KLF12: variants seen among roughly 807,000 people sequenced by gnomAD.
KLF12 encodes the protein KLF transcription factor 12.
KLF12 carries 9 observed loss-of-function variants against 37.8 expected under a neutral mutation model. The observed-to-expected ratio is 0.24, with a 90% CI of 0.14 to 0.42. The LOEUF (loss-of-function observed/expected upper bound fraction) is 0.42. KLF12 is among the 10% of genes least tolerant of loss of function. The pLI, the probability that KLF12 is intolerant of heterozygous loss-of-function variation, is 1.00. For synonymous variants in KLF12, 208 were observed against 202.1 expected (o/e 1.03, Z -0.25); for missense variants, 411 against 516.0 (o/e 0.80, Z 1.97).
At chr13:74,175,730 T>C in the KLF12 span, among the ~76,000 whole-genome samples, 110 of 152,232 alleles carry the variant, frequency 7.2e-4, 1 homozygote, top group Middle Eastern at 3.4e-3. Context: ...CTTAACAAAG[T>C]TTACATATGA....
At chr13:74,048,233 T>C (rs982768760) in intron 1 of KLF12, among the ~76,000 whole-genome samples, 11 of 152,216 alleles carry the variant, frequency 7.2e-5, no homozygotes, top group African/African-American at 1.9e-4. Flanking sequence ...GCTGGCCACA[T>C]GTAGAGGCTG....
At position 73,945,330 on chromosome 13, in the gene KLF12, G is replaced by A. The variant is rs369015453; in HGVS notation, c.34-1260C>T. Among the ~76,000 whole-genome samples, 17 of 152,108 alleles carry A rather than the reference G, an allele frequency of 1.1e-4. No individual in the cohort carries two copies. In the East Asian group the frequency reaches 2.3e-3, roughly 21 times the overall value. On this transcript the variant is annotated intron_variant, in intron 2 of 7. Coordinates refer to ENST00000377669, the MANE Select transcript of KLF12 (RefSeq NM_007249.5). ...CTAAAAATACAAAAATTAGCTGGGC[G>A]TGGTGGCAGGCACCTGTAATCCAAG...
chr13:73,793,676 T>C (rs1881812874), intron 5 of KLF12, among the ~76,000 whole-genome samples: 1 of 143,774 alleles, frequency 7.0e-6, no homozygotes, highest in South Asian at 2.1e-4. Context: ...AATCCTATTA[T>C]ATTAAATCTT....
chr13:73,923,114 T>A (rs1889199499), intron 3 of KLF12, among the ~76,000 whole-genome samples: 1 of 152,076 alleles, frequency 6.6e-6, no homozygotes, highest in African/African-American at 2.4e-5. Context: ...TTTTAAACAG[T>A]TCAAGTATTT....
At chr13:74,020,418 A>G (rs912704975) in intron 1 of KLF12, among the ~76,000 whole-genome samples, 1 of 152,236 alleles carries the variant, frequency 6.6e-6, no homozygotes, top group Non-Finnish European at 1.5e-5. Context: ...TCAAGGTCTT[A>G]GCACGAATAG....
the KLF12 span, among the ~76,000 whole-genome samples, chr13:74,221,002 G>C: frequency 6.8e-6 from 1 of 147,384 alleles, no homozygotes; most frequent in Non-Finnish European, 1.5e-5. Flanking sequence ...TTGTTTGCTT[G>C]TTTGTTTTTT....
At chr13:74,270,210 A>C in the KLF12 span, among the ~76,000 whole-genome samples, 1 of 152,104 alleles carries the variant, frequency 6.6e-6, no homozygotes, top group East Asian at 1.9e-4. Flanking sequence ...CTGATAGTGT[A>C]TGCTAACAAG....
chr13:74,221,006 G>C, the KLF12 span, among the ~76,000 whole-genome samples: 1 of 137,744 alleles, frequency 7.3e-6, no homozygotes, highest in Non-Finnish European at 1.6e-5. Flanking sequence ...TTGCTTGTTT[G>C]TTTTTTTTTT....
chr13:73,697,398 G>A (rs1339907461), intron 7 of KLF12, among the ~76,000 whole-genome samples: 1 of 152,080 alleles, frequency 6.6e-6, no homozygotes, highest in Non-Finnish European at 1.5e-5. Context: ...CCTACTGCCT[G>A]GATTGACACC....
At chr13:74,299,847 A>T in the KLF12 span, among the ~76,000 whole-genome samples, 1 of 152,312 alleles carries the variant, frequency 6.6e-6, no homozygotes, top group African/African-American at 2.4e-5. Context: ...TGCATCCCCA[A>T]GCCTCTAGCT....
chr13:74,173,530 C>T, the KLF12 span, among the ~76,000 whole-genome samples: 1 of 152,172 alleles, frequency 6.6e-6, no homozygotes, highest in Admixed American at 6.5e-5. Flanking sequence ...TGTTTTTCCC[C>T]TTTCCACCTC....
the KLF12 span, among the ~76,000 whole-genome samples, chr13:74,207,398 G>A: frequency 6.6e-6 from 1 of 152,186 alleles, no homozygotes; most frequent in Non-Finnish European, 1.5e-5. Context: ...CAGGTCAGGT[G>A]GGCGAGGTGG....
intron 2 of KLF12, among the ~76,000 whole-genome samples, chr13:73,949,325 G>A (rs1024748902): frequency 2.0e-5 from 3 of 152,214 alleles, no homozygotes; most frequent in Non-Finnish European, 2.9e-5. Context: ...CCTGAGCTGG[G>A]CTAATTTAGC....
intron 2 of KLF12, among the ~76,000 whole-genome samples, chr13:73,973,570 T>A (rs868631564): frequency 4.6e-5 from 7 of 152,230 alleles, no homozygotes; most frequent in Middle Eastern, 6.8e-3. Flanking sequence ...TCTCAAAGTG[T>A]AGCTCCCTAG....
In KLF12 at chr13:73,907,001, T is replaced by G. The variant is rs186325712; in HGVS notation, c.123+36980A>C. On this transcript the variant is annotated intron_variant, in intron 3 of 7. Transcript: ENST00000377669. Reference sequence around the variant, plus strand: ...CACCATTACAGTTACCAGCTCTGATTAGGGCTCATCTGTTCTATTTTGGTA... The same window carrying G: ...CACCATTACAGTTACCAGCTCTGATGAGGGCTCATCTGTTCTATTTTGGTA... 3.3e-5 allele frequency among the ~76,000 whole-genome samples: 5 copies of G among 152,278 alleles called. No individual in the cohort carries two copies. The East Asian group carries it at 9.6e-4, about 29-fold the overall frequency.
chr13:74,074,001 C>T (rs1245096519), intron 1 of KLF12, among the ~76,000 whole-genome samples: 1 of 152,112 alleles, frequency 6.6e-6, no homozygotes, highest in South Asian at 2.1e-4. Flanking sequence ...ATATACATAA[C>T]CCAGCAATCT....
In KLF12 at chr13:73,932,790, T is replaced by C. The variant is rs17061694; in HGVS notation, c.123+11191A>G. The stretch of plus-strand genomic sequence containing the variant: ...AAAAGAGTTCACATTTACTGTAGGA[T>C]ACTGCATAAAAGGCTCTGTGACTCT... On this transcript the variant is annotated intron_variant, in intron 3 of 7. Coordinates refer to ENST00000377669, the MANE Select transcript of KLF12 (RefSeq NM_007249.5). Among the ~76,000 whole-genome samples the C allele has an allele frequency of 7.9e-3, 1,204 of 152,308 alleles. 19 individuals are homozygous for C. The highest frequency in any genetic ancestry group is 0.027 in the African/African-American group (1,113 of 41,582).
At chr13:74,073,210 T>C (rs972730525) in intron 1 of KLF12, among the ~76,000 whole-genome samples, 2 of 152,232 alleles carry the variant, frequency 1.3e-5, no homozygotes, top group East Asian at 1.9e-4. Flanking sequence ...TACTTCTTCA[T>C]AGCAGTATTA....
chr13:74,267,948 C>T, the KLF12 span, among the ~76,000 whole-genome samples: 4 of 151,972 alleles, frequency 2.6e-5, no homozygotes, highest in African/African-American at 4.8e-5. Context: ...ATTGGAGTTA[C>T]GTAGTCAAAA....
Sources: gnomAD v4.1 joint callset for allele counts (sites outside exome capture counted in the v4.1 genomes callset) on GRCh38, gnomAD v4.1.1 for gene constraint, MANE v1.5 for transcripts, NCBI Gene and HGNC (gene_info 2026-07-23, HGNC 2026-07-21) for gene names.